Variants in ZFHX3 observed in about 807,000 individuals in gnomAD.
ZFHX3 encodes the protein zinc finger homeobox protein 3.
A neutral mutation model predicts 279.1 loss-of-function variants in ZFHX3; 42 were observed. The ratio of observed to expected loss-of-function variants is 0.15; its 90% confidence interval spans 0.12 to 0.19. The LOEUF is 0.19. ZFHX3 is among the 10% of genes least tolerant of loss of function. ZFHX3 has a pLI of 1.00. For missense variants in ZFHX3, 4,981 were observed against 4,754.0 expected (o/e 1.05, Z -1.40); for synonymous variants, 2,293 against 1,957.8 (o/e 1.17, Z -4.52).
At chr16:73,371,828 C>T (rs903455071) in intron 3 of ZFHX3, among the ~76,000 whole-genome samples, 1 of 152,202 alleles carries the variant, frequency 6.6e-6, no homozygotes, top group Non-Finnish European at 1.5e-5. Flanking sequence ...AGTTCAAAGT[C>T]TCTCTTGCTG....
At position 72,787,981 on chromosome 16, in the gene ZFHX3, G is replaced by A. The variant is rs771247982; in HGVS notation, c.10295C>T (p.Ser3432Phe). The A allele has an allele frequency of 8.7e-6, 14 of 1,612,820 alleles. No homozygotes were observed. The South Asian group carries it at 1.3e-4, about 15-fold the overall frequency. Residue 3432 changes from serine to phenylalanine, a missense_variant, in exon 10 of 10, where the codon TCC (serine) becomes TTC (phenylalanine). Around this residue, in one of 7 missense-constraint regions of ZFHX3, gnomAD observed 1,034 missense variants for 786.0 expected, o/e 1.32. Transcript: ENST00000268489. ...TTCAGGGAGTTTCGGCAGGAGGGGG[G>A]ACACCTCACGGGGGGTGTTTTTCTG... ...EEQKNTPREV[S>F]PLLPKLPEEP...
intron 4 of ZFHX3, among the ~76,000 whole-genome samples, chr16:72,851,566 T>G (rs951096974): frequency 1.3e-5 from 2 of 152,178 alleles, no homozygotes; most frequent in Non-Finnish European, 1.5e-5. Flanking sequence ...TTCACTTTTT[T>G]TTTTTTAAGA....
At chr16:73,538,983 G>A (rs979517002) in intron 2 of ZFHX3, among the ~76,000 whole-genome samples, 14 of 152,142 alleles carry the variant, frequency 9.2e-5, no homozygotes, top group African/African-American at 3.4e-4. Context: ...AACACATGAG[G>A]CAGGAGGTAC....
At chr16:73,037,684 T>C (rs1466225640) in intron 1 of ZFHX3, among the ~76,000 whole-genome samples, 1 of 152,118 alleles carries the variant, frequency 6.6e-6, no homozygotes, top group Non-Finnish European at 1.5e-5. Context: ...TGTGCTATCA[T>C]TAGGGACAGT....
chr16:73,622,922 G>A lies in ZFHX3; in HGVS notation c.-1547+57258C>T, dbSNP rs1436853836. On this transcript the variant is annotated intron_variant, in intron 2 of 17. Coordinates refer to the ZFHX3 transcript ENST00000641206. Reference sequence around the variant, plus strand: ...TATTTCACACCTAAGAATAATGCCTGTTGTTTCTACCCTAGTACCTGGGGG... The same window carrying A: ...TATTTCACACCTAAGAATAATGCCTATTGTTTCTACCCTAGTACCTGGGGG... Among the ~76,000 whole-genome samples the A allele has an allele frequency of 3.3e-5, 5 of 152,284 alleles. No homozygotes were observed. In the East Asian group the frequency reaches 9.7e-4, roughly 29 times the overall value.
intron 5 of ZFHX3, among the ~76,000 whole-genome samples, chr16:73,247,794 T>C (rs978588953): frequency 6.6e-6 from 1 of 152,198 alleles, no homozygotes; most frequent in Non-Finnish European, 1.5e-5. Flanking sequence ...TCTGTGTATA[T>C]GTGTTTGTAT....
intron 1 of ZFHX3, among the ~76,000 whole-genome samples, chr16:73,832,816 C>G (rs960941032): frequency 2.6e-5 from 4 of 152,156 alleles, no homozygotes; most frequent in African/African-American, 9.7e-5. Flanking sequence ...CCTTGAAAAT[C>G]TGTCATTTTG....
chr16:73,589,259 C>CAAAAAA lies in ZFHX3; in HGVS notation c.-1547+90915_-1547+90920dup, dbSNP rs34481194. Among the ~76,000 whole-genome samples, 3 of 30,934 alleles carry CAAAAAA rather than the reference C, an allele frequency of 9.7e-5. 1 individual carries two copies. The highest frequency in any genetic ancestry group is 1.6e-4 in the Non-Finnish European group (3 of 18,840). 20.3% of individuals were successfully genotyped at this position (30,934 alleles called of 152,430 possible). A position where few individuals can be genotyped will look rare whatever the true frequency, so the allele number is the denominator to read the frequency against. On this transcript the variant is annotated intron_variant, in intron 2 of 17. Transcript: ENST00000641206. ...TGGGCGACAGAGCAAGATTCTGTCTCAAAAAAAAAAAAAAAAAAAAAAAAA... is the reference window on the plus strand; with the variant it reads ...TGGGCGACAGAGCAAGATTCTGTCTCAAAAAAAAAAAAAAAAAAAAAAAAAAAAAAA...
intron 2 of ZFHX3, among the ~76,000 whole-genome samples, chr16:73,627,754 T>C (rs966923143): frequency 6.6e-6 from 1 of 152,042 alleles, no homozygotes; most frequent in African/African-American, 2.4e-5. Flanking sequence ...CTGTCTCTAC[T>C]AAAAAACACA....
rs961690842 is a variant in ZFHX3 at position 73,579,761 on chromosome 16, CAAAGTGTATAAATTTTAATTATAAA to C, written c.-1547+100394_-1547+100418del. 3.0e-4 allele frequency among the ~76,000 whole-genome samples: 45 copies of C among 149,168 alleles called. 1 individual carries two copies. The East Asian group carries it at 5.3e-3, about 17-fold the overall frequency. On this transcript the variant is annotated intron_variant, in intron 2 of 17. Transcript: ENST00000641206. The stretch of plus-strand genomic sequence containing the variant: ...TCGTGATCCACCCGCCCCAGCCTCC[CAAAGTGTATAAATTTTAATTATAAA>C]AATATTCTCCTTTTTATGTAAAAAA...
At chr16:73,086,241 G>C (rs1298052740) in intron 8 of ZFHX3, among the ~76,000 whole-genome samples, 1 of 152,154 alleles carries the variant, frequency 6.6e-6, no homozygotes, top group Non-Finnish European at 1.5e-5. Context: ...CAGAAAAAGG[G>C]GAACCCACGT....
intron 1 of ZFHX3, among the ~76,000 whole-genome samples, chr16:72,980,603 TAA>T (rs112283136): frequency 7.9e-6 from 1 of 126,928 alleles, no homozygotes; most frequent in African/African-American, 3.0e-5. Flanking sequence ...TACCAAAAGT[TAA>T]AAAAAAAAAA....
chr16:73,532,573 G>A (rs893673924), intron 2 of ZFHX3, among the ~76,000 whole-genome samples: 2 of 152,280 alleles, frequency 1.3e-5, no homozygotes, highest in South Asian at 4.1e-4. Flanking sequence ...TACATAAGAG[G>A]AGGGCTGGAA....
chr16:73,151,436 G>C (rs1966939137), intron 5 of ZFHX3, among the ~76,000 whole-genome samples: 2 of 152,104 alleles, frequency 1.3e-5, no homozygotes, highest in Non-Finnish European at 2.9e-5. Context: ...GAATGAAAGG[G>C]GGAACCAGTC....
chr16:73,254,610 T>A (rs28432915), intron 5 of ZFHX3, among the ~76,000 whole-genome samples: 13 of 151,708 alleles, frequency 8.6e-5, no homozygotes, highest in Non-Finnish European at 1.5e-4. Context: ...TGGCAGCATC[T>A]TATATAAGTC....
At chr16:72,995,349 C>G (rs1597068602) in intron 1 of ZFHX3, among the ~76,000 whole-genome samples, 1 of 152,224 alleles carries the variant, frequency 6.6e-6, no homozygotes, top group East Asian at 1.9e-4. Flanking sequence ...AACTGCAGAT[C>G]CAGGCACTCC....
intron 3 of ZFHX3, among the ~76,000 whole-genome samples, chr16:72,905,060 G>A (rs1368790252): frequency 2.0e-5 from 3 of 151,954 alleles, no homozygotes; most frequent in African/African-American, 2.4e-5. Flanking sequence ...GGCTGGTCTC[G>A]AACTCCTAAC....
intron 2 of ZFHX3, chr16:73,543,794 C>G (rs2020058199): frequency 6.6e-6 from 1 of 152,046 alleles, no homozygotes; most frequent in East Asian, 1.9e-4. Flanking sequence ...GAGTGACCCC[C>G]ATCTGCCCAC....
chr16:73,000,142 G>C (rs1043807861), intron 1 of ZFHX3, among the ~76,000 whole-genome samples: 2 of 152,140 alleles, frequency 1.3e-5, no homozygotes, highest in Middle Eastern at 3.2e-3. Flanking sequence ...TAAGTATCCC[G>C]GGCAGAAGAA....
Sources: allele counts gnomAD v4.1 joint callset (sites outside exome capture counted in the v4.1 genomes callset), GRCh38; gene constraint gnomAD v4.1.1; regional missense constraint gnomAD v4.1.1; transcripts MANE v1.5; gene names NCBI Gene and HGNC (gene_info 2026-07-23, HGNC 2026-07-21).